The following ZBTB14 variants were observed in gnomAD, a reference collection of about 807,000 sequenced individuals.
ZBTB14 encodes the protein zinc finger and BTB domain-containing protein 14.
A neutral mutation model predicts 29.5 loss-of-function variants in ZBTB14; 8 were observed. That is an observed-to-expected ratio of 0.27 (90% CI 0.16 to 0.49). The LOEUF is 0.49. Ranked by LOEUF, ZBTB14 falls within the 20% of genes least tolerant of loss-of-function variation. ZBTB14 has a pLI of 0.99. For missense variants in ZBTB14, 333 were observed against 563.8 expected (o/e 0.59, Z 4.15); for synonymous variants, 226 against 207.2 (o/e 1.09, Z -0.78).
chr18:5,296,796 AG>A (rs2071977838), upstream of ZBTB14, among the ~76,000 whole-genome samples: 1 of 151,834 alleles, frequency 6.6e-6, no homozygotes, highest in Admixed American at 6.5e-5. Context: ...GGAAAAGTCC[AG>A]GGGCTGGAGG....
At chr18:5,293,449 G>T in intron 2 of ZBTB14, 122 bp from the exon 3 acceptor site, 1 of 593,242 alleles carries the variant, frequency 1.7e-6, no homozygotes, top group Non-Finnish European at 3.0e-6. Flanking sequence ...TTCAGGTTGG[G>T]GAGAGTGGCA....
rs1277223380 is a variant in ZBTB14, at chr18:5,295,459, C to T, written c.-112+193G>A. On this transcript the variant is annotated intron_variant, in intron 1 of 3. Transcript: ENST00000651870. ...GCGCTCCGCGCTGGGTTCGGGCCGTCCCCACCCCCACCGCGGTGCACTGCG... is the reference window on the plus strand; with the variant it reads ...GCGCTCCGCGCTGGGTTCGGGCCGTTCCCACCCCCACCGCGGTGCACTGCG... Among the ~76,000 whole-genome samples the T allele has an allele frequency of 4.1e-5, 6 of 145,118 alleles. No individual in the cohort carries two copies. The East Asian group carries it at 1.2e-3, about 29-fold the overall frequency.
chr18:5,290,602 A>T lies in ZBTB14; in HGVS notation c.*256T>A. Reference sequence around the variant, plus strand: ...AGTTCTCAAATTAAAATAATAAAAAAAAAAAAGGGAGAGAGGTGCTTACTG... The same window carrying T: ...AGTTCTCAAATTAAAATAATAAAAATAAAAAAGGGAGAGAGGTGCTTACTG... On this transcript the variant is annotated 3_prime_UTR_variant, in exon 4 of 4. Transcript: ENST00000651870. The T allele has an allele frequency of 2.8e-6, 1 of 354,538 alleles. No individual in the cohort carries two copies. The highest frequency in any genetic ancestry group is 4.6e-6 in the Non-Finnish European group (1 of 216,664). The allele number at this position is 354,538 out of a possible 1,614,324, so 22.0% of individuals were successfully genotyped here. A position where few individuals can be genotyped will look rare whatever the true frequency, so the allele number is the denominator to read the frequency against.
chr18:5,295,384 T>G (rs1244712814), intron 1 of ZBTB14, among the ~76,000 whole-genome samples: 1 of 142,984 alleles, frequency 7.0e-6, no homozygotes, highest in Non-Finnish European at 1.5e-5. Context: ...CCGGCGGCTG[T>G]AGGCGGCGCG....
In ZBTB14 at chr18:5,290,413, C is replaced by T. The variant is rs568017957; in HGVS notation, c.*445G>A. On this transcript the variant is annotated 3_prime_UTR_variant, in exon 4 of 4. Transcript: ENST00000651870. ...CCACTCACCAATTTTCTGCGTCTAT[C>T]TGAAGTACTTTTAAAGTTATTAAAA... 6.4e-6 allele frequency: 1 copy of T among 155,176 alleles called. No homozygotes were observed. The highest frequency in any genetic ancestry group is 2.0e-4 in the South Asian group (1 of 4,936). The allele number at this position is 155,176 out of a possible 1,614,324, so 9.6% of individuals were successfully genotyped here. A position where few individuals can be genotyped will look rare whatever the true frequency, so the allele number is the denominator to read the frequency against.
In ZBTB14 at chr18:5,291,293, A is replaced by G; in HGVS notation, c.915T>C (p.Phe305=). 2 of 1,614,254 alleles carry G rather than the reference A, an allele frequency of 1.2e-6. No individual in the cohort carries two copies. Among genetic ancestry groups the G allele is most frequent in the Non-Finnish European group, 1.7e-6 (2 of 1,180,046 alleles). Residue 305 remains phenylalanine, a synonymous_variant, in exon 4 of 4, where the codon TTT becomes TTC. Coordinates refer to ENST00000651870, the MANE Select transcript of ZBTB14 (RefSeq NM_001243702.2). The surrounding 1 kb of genome is among the most constrained non-coding windows in gnomAD (Gnocchi z 5.8). ...HEKLHTADRP[F]VCEMCTKGFT... is the part of the protein sequence containing the mutation. ...AACCTTTTGTGCACATTTCACAAAC[A>G]AATGGCCTGTCCGCCGTGTGGAGTT...
rs1220014013 is a variant in ZBTB14 at position 5,293,297 on chromosome 18, C to T, written c.-51G>A. The T allele has an allele frequency of 3.1e-6, 5 of 1,607,976 alleles. No homozygotes were observed. The highest frequency in any genetic ancestry group is 4.3e-6 in the Non-Finnish European group (5 of 1,176,236). ...GCCTTGAACGCCAAAATCTTCAGAT[C>T]AGAGTAACTCTGATCAGGAGCACGC... is the stretch of plus-strand genomic sequence containing the variant. On this transcript the variant is annotated 5_prime_UTR_variant, in exon 3 of 4. Transcript: ENST00000651870.
In ZBTB14 at chr18:5,291,314, G is replaced by T; in HGVS notation, c.894C>A (p.Leu298=). 2 of 1,614,222 alleles carry T rather than the reference G, an allele frequency of 1.2e-6. No individual in the cohort carries two copies. The highest frequency in any genetic ancestry group is 1.7e-6 in the Non-Finnish European group (2 of 1,180,058). The change falls in exon 4 of 4, where the codon CTC becomes CTA. Residue 298 remains leucine (L), a synonymous_variant. Transcript: ENST00000651870. This position sits in a 1 kb window ranked among gnomAD's most constrained non-coding sequence, Gnocchi z 5.8. The part of the protein sequence containing the change: ...DEGRLRKHEK[L]HTADRPFVCE... ...AAACAAATGGCCTGTCCGCCGTGTG[G>T]AGTTTCTCATGCTTCCTCAATCTGC...
In ZBTB14 at chr18:5,290,909, T is replaced by C; in HGVS notation, c.1299A>G (p.Ala433=). Residue 433 remains alanine (A), a synonymous_variant, in exon 4 of 4, where the codon GCA becomes GCG. Coordinates refer to ENST00000651870, the MANE Select transcript of ZBTB14 (RefSeq NM_001243702.2). ...IQSETEQLQA[A]AMAAEAEQQL... is the part of the protein sequence containing the mutation. ...GCTGTTCTGCTTCCGCAGCCATCGC[T>C]GCCGCCTGCAACTGTTCTGTCTCGC... 1 of 1,614,288 alleles carries C rather than the reference T, an allele frequency of 6.2e-7. No individual in the cohort carries two copies.
At chr18:5,293,206 C>A in intron 3 of ZBTB14, 38 bp downstream of exon 3, 1 of 1,609,462 alleles carries the variant, frequency 6.2e-7, no homozygotes, top group Non-Finnish European at 8.5e-7. Flanking sequence ...AATGCCAAGT[C>A]ATTTTCATCA....
chr18:5,295,422 G>C (rs1170348739), intron 1 of ZBTB14, among the ~76,000 whole-genome samples: 2 of 144,874 alleles, frequency 1.4e-5, no homozygotes, highest in Non-Finnish European at 3.1e-5. Flanking sequence ...GAGGGGCGGC[G>C]CCCGGCGGGC....
Position 5,289,127 on chromosome 18 carries a change from A to G in ZBTB14, c.*1731T>C, listed in dbSNP as rs2071757842. 6.6e-6 allele frequency: 1 copy of G among 152,244 alleles called. No homozygotes were observed. The highest frequency in any genetic ancestry group is 1.5e-5 in the Non-Finnish European group (1 of 68,042). 9.4% of individuals were successfully genotyped at this position (152,244 alleles called of 1,614,324 possible). A position where few individuals can be genotyped will look rare whatever the true frequency, so the allele number is the denominator to read the frequency against. On this transcript the variant is annotated 3_prime_UTR_variant, in exon 4 of 4. Transcript: ENST00000651870. ...AATTATTTTTCCTTTGCTTTGGTTAAAACAGCCTAGGAACGGCAATCAGTT... is the reference window on the plus strand; with the variant it reads ...AATTATTTTTCCTTTGCTTTGGTTAGAACAGCCTAGGAACGGCAATCAGTT...
chr18:5,296,274 G>C (rs1334406720), upstream of ZBTB14: 3 of 150,438 alleles, frequency 2.0e-5, no homozygotes, highest in Non-Finnish European at 4.5e-5. Flanking sequence ...CCGCGCGCGG[G>C]AGAAGGAGTG....
chr18:5,289,868 T>C lies in ZBTB14; in HGVS notation c.*990A>G, dbSNP rs2071772707. The C allele has an allele frequency of 6.6e-6, 1 of 152,576 alleles. No homozygotes were observed. The highest frequency in any genetic ancestry group is 2.4e-5 in the African/African-American group (1 of 41,476). The allele number at this position is 152,576 out of a possible 1,614,324, so 9.5% of individuals were successfully genotyped here. A position where few individuals can be genotyped will look rare whatever the true frequency, so the allele number is the denominator to read the frequency against. On this transcript the variant is annotated 3_prime_UTR_variant, in exon 4 of 4. Transcript: ENST00000651870. ...AAGTAAGCATACTGCATCTCCTTTA[T>C]GGATAAATCATGTGCCCCACAGAGC...
chr18:5,289,090 A>T lies in ZBTB14; in HGVS notation c.*1768T>A, dbSNP rs1000035957. On this transcript the variant is annotated 3_prime_UTR_variant, in exon 4 of 4. Coordinates refer to ENST00000651870, the MANE Select transcript of ZBTB14 (RefSeq NM_001243702.2). ...ATATGGTTTGTTGAAGTAGCTATTG[A>T]CAAGATGTTAAAATTATTTTTCCTT... The T allele has an allele frequency of 6.6e-6, 1 of 152,256 alleles. No homozygotes were observed. The highest frequency in any genetic ancestry group is 1.5e-5 in the Non-Finnish European group (1 of 68,040). The allele number at this position is 152,256 out of a possible 1,614,324, so 9.4% of individuals were successfully genotyped here. A position where few individuals can be genotyped will look rare whatever the true frequency, so the allele number is the denominator to read the frequency against.
upstream of ZBTB14, chr18:5,296,297 G>T (rs975024971): frequency 2.7e-5 from 4 of 150,588 alleles, no homozygotes; most frequent in African/African-American, 9.7e-5. Context: ...CGGGGCAAGG[G>T]CGGGGCTTCG....
chr18:5,296,397 C>T (rs2071968313), upstream of ZBTB14, among the ~76,000 whole-genome samples: 2 of 150,118 alleles, frequency 1.3e-5, no homozygotes, highest in South Asian at 4.1e-4. Context: ...CTTCCGCCCG[C>T]GCCCGGCGCC....
upstream of ZBTB14, among the ~76,000 whole-genome samples, chr18:5,296,575 C>T (rs2071973513): frequency 1.3e-5 from 2 of 151,794 alleles, no homozygotes; most frequent in African/African-American, 4.8e-5. Flanking sequence ...CGGCCGACAC[C>T]GGGAGGCGCG....
At chr18:5,296,347 C>A (rs1280227283), upstream of ZBTB14, among the ~76,000 whole-genome samples, 4 of 150,146 alleles carry the variant, frequency 2.7e-5, no homozygotes, top group East Asian at 2.0e-4. Context: ...CTCGCGGACA[C>A]CCGCCCCGCC....
Sources: gnomAD v4.1 joint callset for allele counts (sites outside exome capture counted in the v4.1 genomes callset) on GRCh38, gnomAD v4.1.1 for gene constraint, Gnocchi (gnomAD v3.1) non-coding constraint, MANE v1.5 for transcripts, NCBI Gene and HGNC (gene_info 2026-07-23, HGNC 2026-07-21) for gene names.